The following DKK3 variants were observed in gnomAD, a reference collection of about 807,000 sequenced individuals.
DKK3 encodes the protein dickkopf Wnt signaling pathway inhibitor 3.
DKK3 carries 22 observed loss-of-function variants against 33.2 expected under a neutral mutation model. The ratio of observed to expected loss-of-function variants is 0.66; its 90% confidence interval spans 0.47 to 0.95. DKK3 has a LOEUF of 0.95. Ranked by LOEUF, DKK3 falls within the 40% of genes least tolerant of loss-of-function variation. DKK3 has a pLI of 0.00. For synonymous variants in DKK3, 194 were observed against 188.8 expected (o/e 1.03, Z -0.23); for missense variants, 398 against 458.4 (o/e 0.87, Z 1.20).
chr11:11,967,100 T>G lies in DKK3; in HGVS notation c.529-2A>C. On this transcript the variant is annotated splice_acceptor_variant, in intron 4 of 6. Coordinates refer to ENST00000683431, the MANE Select transcript of DKK3 (RefSeq NM_001018057.2). LOFTEE classifies it high-confidence loss of function. ...GCACTCACTGTCCCGGGTGCAGAGC[T>G]GCAGACAGGTGGAAAGAGCCTAGAG... 2.5e-6 allele frequency: 4 copies of G among 1,612,980 alleles called. No individual in the cohort carries two copies. The highest frequency in any genetic ancestry group is 3.4e-6 in the Non-Finnish European group (4 of 1,179,632).
chr11:11,994,803 T>C (rs1848258024), intron 3 of DKK3: 1 of 152,234 alleles, frequency 6.6e-6, no homozygotes, highest in Admixed American at 6.5e-5. Context: ...TTGGTCTCTC[T>C]GGGCTTGGAG....
intron 3 of DKK3, among the ~76,000 whole-genome samples, chr11:11,997,210 T>C (rs1219486756): frequency 6.6e-6 from 1 of 152,174 alleles, no homozygotes; most frequent in Non-Finnish European, 1.5e-5. Context: ...TGTACCACTG[T>C]GCAATGATAG....
At chr11:11,993,703 A>G (rs7121348) in intron 3 of DKK3, among the ~76,000 whole-genome samples, 2,203 of 152,336 alleles carry the variant, frequency 0.014, 43 homozygotes, top group South Asian at 0.046. Context: ...TTTAGACATA[A>G]ATCACGAAGT....
intron 3 of DKK3, among the ~76,000 whole-genome samples, chr11:11,975,574 G>A (rs1000703340): frequency 1.2e-4 from 18 of 152,160 alleles, no homozygotes; most frequent in African/African-American, 3.9e-4. Flanking sequence ...CAGAACCCAC[G>A]GGTGGGGAGG....
chr11:12,001,320 G>T (rs1564924880), intron 2 of DKK3, among the ~76,000 whole-genome samples: 1 of 152,198 alleles, frequency 6.6e-6, no homozygotes. Context: ...AGCCCATTAC[G>T]ATGCAGTGGG....
chr11:11,993,732 T>G (rs1043459748), intron 3 of DKK3, among the ~76,000 whole-genome samples: 1 of 152,212 alleles, frequency 6.6e-6, no homozygotes. Context: ...AATATAAATC[T>G]CGAAACACAA....
intron 3 of DKK3, among the ~76,000 whole-genome samples, chr11:11,997,666 C>A (rs191891404): frequency 8.7e-4 from 133 of 152,258 alleles, no homozygotes; most frequent in Admixed American, 1.9e-3. Context: ...CTCCCCCCAC[C>A]CCCAGGCTCC....
intron 3 of DKK3, among the ~76,000 whole-genome samples, chr11:11,995,295 G>A (rs1022172675): frequency 6.6e-5 from 10 of 151,946 alleles, no homozygotes; most frequent in East Asian, 1.9e-4. Context: ...TTCTTACCCC[G>A]GTTGGTCTTG....
intron 3 of DKK3, among the ~76,000 whole-genome samples, chr11:11,977,410 C>T (rs368925111): frequency 2.0e-5 from 3 of 152,110 alleles, no homozygotes; most frequent in East Asian, 1.9e-4. Flanking sequence ...GCCAGGCCAC[C>T]GAGAGCCAGC....
chr11:11,966,551 A>C (rs577349341), intron 5 of DKK3, among the ~76,000 whole-genome samples: 1 of 151,932 alleles, frequency 6.6e-6, no homozygotes, highest in Non-Finnish European at 1.5e-5. Context: ...GCAAATGAGA[A>C]TTTTTCAAAA....
intron 3 of DKK3, among the ~76,000 whole-genome samples, chr11:11,971,594 T>TC (rs1340615462): frequency 6.6e-6 from 1 of 152,200 alleles, no homozygotes; most frequent in Non-Finnish European, 1.5e-5. Flanking sequence ...GGCTTCTCAT[T>TC]CCCCCGAAAG....
intron 3 of DKK3, among the ~76,000 whole-genome samples, chr11:11,986,987 C>T (rs754238616): frequency 6.6e-6 from 1 of 152,178 alleles, no homozygotes; most frequent in Admixed American, 6.5e-5. Context: ...AGAATCTTAC[C>T]TTCAAGGAAT....
Position 11,965,983 on chromosome 11 carries a change from T to C in DKK3, c.674-18A>G. On this transcript the variant is annotated intron_variant, in intron 5 of 6. Coordinates refer to ENST00000683431, the MANE Select transcript of DKK3 (RefSeq NM_001018057.2). ...CAGCAGGCCTGGAACCAGCCCAGAG[T>C]CACCCCTGTGTGCCCCGTGTAGGGT... 1 of 1,604,436 alleles carries C rather than the reference T, an allele frequency of 6.2e-7. No homozygotes were observed. Among genetic ancestry groups the C allele is most frequent in the Non-Finnish European group, 8.5e-7 (1 of 1,177,324 alleles).
At position 11,975,758 on chromosome 11, in the gene DKK3, C is replaced by A. The variant is rs1847820051; in HGVS notation, c.436-7271G>T. On this transcript the variant is annotated intron_variant, in intron 3 of 6. Coordinates refer to ENST00000683431, the MANE Select transcript of DKK3 (RefSeq NM_001018057.2). ...CACAGTTCCCCATTCCCCACTGGGC[C>A]CCCACACTCCCCTCTACAGGCTCTG... 2.6e-5 allele frequency among the ~76,000 whole-genome samples: 4 copies of A among 152,104 alleles called. No individual in the cohort carries two copies. The South Asian group carries it at 8.3e-4, about 32-fold the overall frequency.
chr11:11,990,197 G>C (rs1848159140), intron 3 of DKK3, among the ~76,000 whole-genome samples: 2 of 152,224 alleles, frequency 1.3e-5, no homozygotes, highest in South Asian at 4.1e-4. Context: ...CCACACACCT[G>C]CATGGAGGAG....
At chr11:11,989,135 G>A (rs962319829) in intron 3 of DKK3, among the ~76,000 whole-genome samples, 59 of 152,204 alleles carry the variant, frequency 3.9e-4, no homozygotes, top group African/African-American at 1.4e-3. Flanking sequence ...ATGGAAAACA[G>A]TATGGTGTTT....
At chr11:11,992,775 A>T (rs569585234) in intron 3 of DKK3, among the ~76,000 whole-genome samples, 22 of 152,370 alleles carry the variant, frequency 1.4e-4, no homozygotes, top group Admixed American at 2.6e-4. Context: ...AATATAAACA[A>T]GGTGCCATGC....
At chr11:12,002,480 G>A (rs1848451170) in intron 1 of DKK3, 43 bp from the exon 2 acceptor site, 1 of 1,586,396 alleles carries the variant, frequency 6.3e-7, no homozygotes. Flanking sequence ...ATTTTCTCTT[G>A]TTACAAATGG....
chr11:11,985,662 GGCAAGTCACTCTGA>G (rs1848055140), intron 3 of DKK3, among the ~76,000 whole-genome samples: 1 of 152,178 alleles, frequency 6.6e-6, no homozygotes, highest in East Asian at 1.9e-4. Context: ...GGGTGACCTT[GGCAAGTCACTCTGA>G]GCTTTTCACT....
Sources: gnomAD v4.1 joint callset for allele counts (sites outside exome capture counted in the v4.1 genomes callset) on GRCh38, gnomAD v4.1.1 for gene constraint, MANE v1.5 for transcripts, NCBI Gene and HGNC (gene_info 2026-07-23, HGNC 2026-07-21) for gene names.